The following TMEM163 variants were observed in gnomAD, a reference collection of about 807,000 sequenced individuals.
The protein encoded by TMEM163 is transmembrane protein 163.
TMEM163 carries 17 observed loss-of-function variants against 29.3 expected under a neutral mutation model. That is an observed-to-expected ratio of 0.58 (90% CI 0.40 to 0.87). The LOEUF (loss-of-function observed/expected upper bound fraction) is 0.87. Ranked by LOEUF, TMEM163 falls within the 40% of genes least tolerant of loss-of-function variation. TMEM163 has a pLI of 0.00. For missense variants in TMEM163, 303 were observed against 381.5 expected, an observed-to-expected ratio of 0.79 and a Z score of 1.71; for synonymous variants, 157 against 160.6, an observed-to-expected ratio of 0.98 and a Z score of 0.17.
chr2:134,634,763 A>G (rs1683066509), intron 2 of TMEM163, among the ~76,000 whole-genome samples: 1 of 152,260 alleles, frequency 6.6e-6, no homozygotes, highest in East Asian at 1.9e-4. Flanking sequence ...ACCCTTGCAC[A>G]GCAATTATGT....
chr2:134,624,815 A>G (rs980572888), intron 2 of TMEM163, among the ~76,000 whole-genome samples: 1 of 152,244 alleles, frequency 6.6e-6, no homozygotes, highest in African/African-American at 2.4e-5. Flanking sequence ...AGGCTGAGGC[A>G]GGAGAATTAC....
intron 4 of TMEM163, among the ~76,000 whole-genome samples, chr2:134,540,123 T>TG (rs1388475101): frequency 1.3e-5 from 2 of 152,232 alleles, no homozygotes; most frequent in African/African-American, 4.8e-5. Context: ...CGCTAGGCCC[T>TG]GGCACTCCAG....
Position 134,522,651 on chromosome 2 carries a change from C to T in TMEM163, c.459-19654G>A, listed in dbSNP as rs151064833. On this transcript the variant is annotated intron_variant, in intron 4 of 7. Transcript: ENST00000281924. ...GCATTTTGCCCACAACAGAAGCAGCCTTGTAAGGACAGGTAGCCAGCCACA... is the reference window on the plus strand; with the variant it reads ...GCATTTTGCCCACAACAGAAGCAGCTTTGTAAGGACAGGTAGCCAGCCACA... 7.4e-4 allele frequency among the ~76,000 whole-genome samples: 113 copies of T among 152,316 alleles called. 1 individual carries two copies. Among genetic ancestry groups the T allele is most frequent in the African/African-American group, 2.6e-3 (110 of 41,564 alleles).
chr2:134,605,577 A>C (rs1682335339), intron 2 of TMEM163, among the ~76,000 whole-genome samples: 1 of 152,050 alleles, frequency 6.6e-6, no homozygotes, highest in Non-Finnish European at 1.5e-5. Flanking sequence ...AGGCGCCTGT[A>C]ATCCCAGCTA....
intron 2 of TMEM163, among the ~76,000 whole-genome samples, chr2:134,557,872 G>A (rs1241433813): frequency 6.6e-6 from 1 of 152,172 alleles, no homozygotes; most frequent in Non-Finnish European, 1.5e-5. Context: ...GGAATAAAAT[G>A]TGAGGCAGGT....
At chr2:134,698,868 C>T (rs1219153097) in intron 2 of TMEM163, among the ~76,000 whole-genome samples, 1 of 152,142 alleles carries the variant, frequency 6.6e-6, no homozygotes, top group Non-Finnish European at 1.5e-5. Context: ...GATGAGAATT[C>T]GCTTGCATAT....
At chr2:134,534,561 G>C (rs1322086207) in intron 4 of TMEM163, among the ~76,000 whole-genome samples, 1 of 152,224 alleles carries the variant, frequency 6.6e-6, no homozygotes, top group East Asian at 1.9e-4. Flanking sequence ...AAACCAGCCT[G>C]ACCAACATGG....
At chr2:134,481,992 T>C (rs1323612556) in intron 5 of TMEM163, among the ~76,000 whole-genome samples, 2 of 152,186 alleles carry the variant, frequency 1.3e-5, no homozygotes, top group Non-Finnish European at 2.9e-5. Flanking sequence ...TGATACTCCA[T>C]ATACCAAAAT....
intron 5 of TMEM163, among the ~76,000 whole-genome samples, chr2:134,487,662 G>A (rs1679342970): frequency 6.6e-6 from 1 of 152,156 alleles, no homozygotes; most frequent in Non-Finnish European, 1.5e-5. Flanking sequence ...AGGAATTTTA[G>A]AGAATGACTC....
At chr2:134,592,608 T>C (rs1681963083) in intron 2 of TMEM163, among the ~76,000 whole-genome samples, 1 of 152,090 alleles carries the variant, frequency 6.6e-6, no homozygotes, top group African/African-American at 2.4e-5. Context: ...TGTGCTCCCT[T>C]CTCATCATGG....
At chr2:134,614,520 A>G (rs1682567039) in intron 2 of TMEM163, among the ~76,000 whole-genome samples, 1 of 152,208 alleles carries the variant, frequency 6.6e-6, no homozygotes, top group African/African-American at 2.4e-5. Context: ...GAACAAAAGA[A>G]TGCTCAGTAA....
chr2:134,682,972 G>A (rs1310342322), intron 2 of TMEM163, among the ~76,000 whole-genome samples: 3 of 152,126 alleles, frequency 2.0e-5, no homozygotes, highest in East Asian at 1.9e-4. Context: ...GAAAAGACAC[G>A]GAGGAACCGT....
chr2:134,672,622 C>A (rs1684018577), intron 2 of TMEM163, among the ~76,000 whole-genome samples: 1 of 152,098 alleles, frequency 6.6e-6, no homozygotes, highest in East Asian at 1.9e-4. Context: ...AGCGATCCTC[C>A]CACTTCAGCC....
chr2:134,624,947 T>G (rs1682816031), intron 2 of TMEM163, among the ~76,000 whole-genome samples: 1 of 151,954 alleles, frequency 6.6e-6, no homozygotes, highest in Admixed American at 6.6e-5. Context: ...TAATAAAAAT[T>G]TATCTTCAAA....
chr2:134,692,870 TCTC>T (rs1684501883), intron 2 of TMEM163, among the ~76,000 whole-genome samples: 1 of 152,020 alleles, frequency 6.6e-6, no homozygotes, highest in African/African-American at 2.4e-5. Context: ...GCAGTTCCTC[TCTC>T]CTCCTCATGA....
At chr2:134,636,713 G>T (rs1486305780) in intron 2 of TMEM163, among the ~76,000 whole-genome samples, 3 of 152,210 alleles carry the variant, frequency 2.0e-5, no homozygotes. Context: ...GAGTCATGCA[G>T]CTGGAGGCTA....
At chr2:134,701,477 T>C (rs1183015082) in intron 2 of TMEM163, among the ~76,000 whole-genome samples, 4 of 152,238 alleles carry the variant, frequency 2.6e-5, no homozygotes, top group Non-Finnish European at 4.4e-5. Flanking sequence ...TCCCCAGCTC[T>C]GCCCAGAAGG....
At chr2:134,688,977 T>A (rs1371055595) in intron 2 of TMEM163, among the ~76,000 whole-genome samples, 1 of 152,166 alleles carries the variant, frequency 6.6e-6, no homozygotes, top group Admixed American at 6.5e-5. Context: ...ATGTAAAATA[T>A]CTCAATAATT....
In TMEM163 at chr2:134,460,075, ACCC is replaced by A. The variant is rs5834416; in HGVS notation, c.668-1905_668-1903del. ...CCCCTCGAGCCCCTTGCCAGATGTT[ACCC>A]CCCCCCAAATTCATTCTCACTCTCC... On this transcript the variant is annotated intron_variant, in intron 6 of 7. Transcript: ENST00000281924. This position sits in a 1 kb window ranked among gnomAD's most constrained non-coding sequence, Gnocchi z 4.3. 8.3e-6 allele frequency among the ~76,000 whole-genome samples: 1 copy of A among 120,004 alleles called. No individual in the cohort carries two copies. Among genetic ancestry groups the A allele is most frequent in the Non-Finnish European group, 1.7e-5 (1 of 59,530 alleles). 78.7% of individuals were successfully genotyped at this position (120,004 alleles called of 152,430 possible).
Sources: gnomAD v4.1 joint callset for allele counts (sites outside exome capture counted in the v4.1 genomes callset) on GRCh38, gnomAD v4.1.1 for gene constraint, Gnocchi (gnomAD v3.1) non-coding constraint, MANE v1.5 for transcripts, NCBI Gene and HGNC (gene_info 2026-07-23, HGNC 2026-07-21) for gene names.